Variants in NRXN3 observed in about 807,000 individuals in gnomAD.
NRXN3 encodes neurexin 3, also known as neurexin III.
In NRXN3, 32 loss-of-function variants were observed where a neutral mutation model predicts 137.6. The observed-to-expected ratio is 0.23, with a 90% CI of 0.18 to 0.31. The LOEUF is 0.31. Among genes scored for constraint, NRXN3 ranks in the 10% least tolerant of loss-of-function variants. The pLI, the probability that NRXN3 is intolerant of heterozygous loss-of-function variation, is 1.00. For missense variants in NRXN3, 1,574 were observed against 2,062.5 expected, an observed-to-expected ratio of 0.76 and a Z score of 4.59; for synonymous variants, 798 against 784.5, an observed-to-expected ratio of 1.02 and a Z score of -0.29.
intron 6 of NRXN3, among the ~76,000 whole-genome samples, chr14:78,662,623 T>C (rs2097850535): frequency 6.6e-6 from 1 of 152,184 alleles, no homozygotes; most frequent in Non-Finnish European, 1.5e-5. Context: ...TAGATAGATC[T>C]ATAGATAGAT....
intron 4 of NRXN3, among the ~76,000 whole-genome samples, chr14:78,534,504 A>T (rs796867297): frequency 6.6e-6 from 1 of 152,226 alleles, no homozygotes; most frequent in African/African-American, 2.4e-5. Context: ...CGAATATTCT[A>T]TCTACAGGGC....
intron 15 of NRXN3, among the ~76,000 whole-genome samples, chr14:79,198,545 C>T (rs1234143464): frequency 6.6e-6 from 1 of 152,166 alleles, no homozygotes; most frequent in African/African-American, 2.4e-5. Flanking sequence ...GTGCATTACT[C>T]TTAATGCTAA....
chr14:79,139,987 A>G (rs1035203127), intron 15 of NRXN3, among the ~76,000 whole-genome samples: 1 of 150,892 alleles, frequency 6.6e-6, no homozygotes, highest in Non-Finnish European at 1.5e-5. Flanking sequence ...ATATGTATAT[A>G]TAAAACTGGC....
chr14:78,671,329 A>C (rs555096404), intron 6 of NRXN3, among the ~76,000 whole-genome samples: 17 of 152,206 alleles, frequency 1.1e-4, no homozygotes, highest in Non-Finnish European at 2.2e-4. Flanking sequence ...CAGAGAGAAA[A>C]AAAGGCAGTG....
chr14:79,792,730 G>A (rs999313146), intron 19 of NRXN3, among the ~76,000 whole-genome samples: 3 of 152,266 alleles, frequency 2.0e-5, no homozygotes, highest in South Asian at 2.1e-4. Context: ...TGGAAAGGCC[G>A]CCCACTTTTC....
At position 78,402,238 on chromosome 14, in the gene NRXN3, C is replaced by T. The variant is rs558538414; in HGVS notation, c.757+104378C>T. 5.9e-5 allele frequency among the ~76,000 whole-genome samples: 9 copies of T among 152,294 alleles called. No homozygotes were observed. In the South Asian group the frequency reaches 6.2e-4, roughly 11 times the overall value. ...CTTTGAAGAAAAGATCCACATGCAA[C>T]GACCTTTTCACTTGATAGCAAGAAG... On this transcript the variant is annotated intron_variant, in intron 4 of 20. Transcript: ENST00000335750.
intron 4 of NRXN3, among the ~76,000 whole-genome samples, chr14:78,427,731 C>T (rs1195004036): frequency 2.0e-5 from 3 of 152,136 alleles, no homozygotes; most frequent in African/African-American, 7.2e-5. Context: ...AGAAAAAATG[C>T]CTCTAGTCTC....
intron 15 of NRXN3, among the ~76,000 whole-genome samples, chr14:79,101,052 G>T (rs970968246): frequency 6.6e-6 from 1 of 152,130 alleles, no homozygotes; most frequent in African/African-American, 2.4e-5. Context: ...CAAGTACAAA[G>T]CAAACTTAAC....
intron 15 of NRXN3, among the ~76,000 whole-genome samples, chr14:79,030,387 A>G (rs1053706874): frequency 6.6e-6 from 1 of 151,882 alleles, no homozygotes; most frequent in African/African-American, 2.4e-5. Context: ...AAGACTGGAC[A>G]CTCAGCAGCC....
intron 19 of NRXN3, among the ~76,000 whole-genome samples, chr14:79,792,532 A>C (rs964966821): frequency 1.3e-5 from 2 of 152,264 alleles, no homozygotes; most frequent in Non-Finnish European, 2.9e-5. Context: ...ACTACAAGAA[A>C]AAAGAATCTA....
intron 15 of NRXN3, among the ~76,000 whole-genome samples, chr14:79,010,945 C>T (rs1199264983): frequency 6.6e-6 from 1 of 152,106 alleles, no homozygotes; most frequent in Admixed American, 6.6e-5. Flanking sequence ...AGAATTGTGA[C>T]CATACCATCT....
intron 15 of NRXN3, among the ~76,000 whole-genome samples, chr14:79,362,253 A>T (rs1023280636): frequency 7.3e-5 from 11 of 151,610 alleles, no homozygotes; most frequent in Admixed American, 6.6e-4. Context: ...GCACCCATTA[A>T]CTCGTCATTT....
chr14:78,636,082 G>A (rs1015619555), intron 4 of NRXN3, among the ~76,000 whole-genome samples: 14 of 152,096 alleles, frequency 9.2e-5, no homozygotes, highest in African/African-American at 3.1e-4. Context: ...TTTGTTGAGC[G>A]CTGAGGTGAC....
At chr14:78,534,222 A>G (rs1449547438) in intron 4 of NRXN3, among the ~76,000 whole-genome samples, 1 of 152,212 alleles carries the variant, frequency 6.6e-6, no homozygotes, top group Non-Finnish European at 1.5e-5. Context: ...TCTCTCTTAA[A>G]TAACATGAAT....
chr14:78,378,078 CA>C (rs2088236352), intron 4 of NRXN3, among the ~76,000 whole-genome samples: 1 of 152,020 alleles, frequency 6.6e-6, no homozygotes, highest in Admixed American at 6.6e-5. Context: ...GTTCACTGAC[CA>C]AAATGGAACC....
At chr14:78,926,375 C>G (rs1035866897) in intron 10 of NRXN3, among the ~76,000 whole-genome samples, 4 of 151,292 alleles carry the variant, frequency 2.6e-5, no homozygotes, top group South Asian at 2.1e-4. Context: ...CTGGAATATT[C>G]CATTTAATAT....
chr14:79,123,733 A>G (rs1417168820), intron 15 of NRXN3, among the ~76,000 whole-genome samples: 1 of 152,178 alleles, frequency 6.6e-6, no homozygotes, highest in Non-Finnish European at 1.5e-5. Flanking sequence ...GGAGGCTGGG[A>G]TATAAGTCAG....
At chr14:78,727,596 A>G (rs1308480754) in intron 8 of NRXN3, among the ~76,000 whole-genome samples, 3 of 152,186 alleles carry the variant, frequency 2.0e-5, no homozygotes, top group Non-Finnish European at 2.9e-5. Context: ...TTAGCCAGGC[A>G]TGGTGGTGCT....
At chr14:79,685,145 A>C (rs1338544659) in intron 17 of NRXN3, among the ~76,000 whole-genome samples, 1 of 152,068 alleles carries the variant, frequency 6.6e-6, no homozygotes, top group Non-Finnish European at 1.5e-5. Flanking sequence ...TTTTAGTTTA[A>C]CTCTTCTGAA....
Sources: allele counts gnomAD v4.1 joint callset (sites outside exome capture counted in the v4.1 genomes callset), GRCh38; gene constraint gnomAD v4.1.1; transcripts MANE v1.5; gene names NCBI Gene and HGNC (gene_info 2026-07-23, HGNC 2026-07-21).